CNTNAP5: variants seen among roughly 807,000 people sequenced by gnomAD.
CNTNAP5 encodes contactin-associated protein-like 5.
In CNTNAP5, 72 loss-of-function variants were observed where a neutral mutation model predicts 150.2. The observed-to-expected ratio is 0.48, with a 90% CI of 0.40 to 0.58. The LOEUF (loss-of-function observed/expected upper bound fraction) is 0.58, where lower values mean the gene tolerates loss of function less well. Ranked by LOEUF, CNTNAP5 falls within the 20% of genes least tolerant of loss-of-function variation. The pLI, the probability that CNTNAP5 is intolerant of heterozygous loss-of-function variation, is 0.00. For missense variants in CNTNAP5, 1,636 were observed against 1,626.2 expected, an observed-to-expected ratio of 1.01 and a Z score of -0.10; for synonymous variants, 672 against 619.8, an observed-to-expected ratio of 1.08 and a Z score of -1.25.
intron 16 of CNTNAP5, among the ~76,000 whole-genome samples, chr2:124,767,516 G>C (rs991031052): frequency 6.6e-6 from 1 of 152,226 alleles, no homozygotes; most frequent in Middle Eastern, 3.4e-3. Flanking sequence ...GAGTCAGTCT[G>C]GCATAGTGGA....
intron 1 of CNTNAP5, among the ~76,000 whole-genome samples, chr2:124,094,552 A>G (rs866403586): frequency 1.7e-4 from 26 of 152,250 alleles, no homozygotes; most frequent in Admixed American, 1.3e-3. Flanking sequence ...TTTGTCTAAT[A>G]CATTTAAGCA....
At chr2:124,264,841 G>GCGTGTCTAC (rs1389353777) in intron 3 of CNTNAP5, among the ~76,000 whole-genome samples, 8 of 152,214 alleles carry the variant, frequency 5.3e-5, no homozygotes. Context: ...CTGCTACTAT[G>GCGTGTCTAC]CGTGTCTACT....
intron 13 of CNTNAP5, among the ~76,000 whole-genome samples, chr2:124,671,085 C>CCT (rs977456506): frequency 2.6e-5 from 4 of 152,126 alleles, no homozygotes; most frequent in South Asian, 4.1e-4. Context: ...CCTCATTCTT[C>CCT]CTGTGTAAAA....
intron 21 of CNTNAP5, among the ~76,000 whole-genome samples, chr2:124,901,381 C>A (rs559566936): frequency 4.0e-4 from 59 of 147,656 alleles, no homozygotes; most frequent in Admixed American, 1.3e-4. Context: ...TCAGTGTAAT[C>A]AAAAAGGTCC....
intron 3 of CNTNAP5, among the ~76,000 whole-genome samples, chr2:124,307,962 A>C (rs1422690406): frequency 6.6e-6 from 1 of 152,108 alleles, no homozygotes; most frequent in Non-Finnish European, 1.5e-5. Context: ...GGTCATTCAC[A>C]ACAACTTTAC....
chr2:124,511,345 G>T (rs140567539), intron 8 of CNTNAP5, among the ~76,000 whole-genome samples: 3 of 152,298 alleles, frequency 2.0e-5, no homozygotes, highest in African/African-American at 7.2e-5. Context: ...AAAATACAAG[G>T]CAAGGAGAAT....
intron 13 of CNTNAP5, among the ~76,000 whole-genome samples, chr2:124,672,827 G>T (rs112280838): frequency 0.021 from 3,243 of 151,942 alleles, 45 homozygotes; most frequent in Middle Eastern, 0.038. Flanking sequence ...AAGATTTAAA[G>T]AAATATAAAT....
intron 1 of CNTNAP5, among the ~76,000 whole-genome samples, chr2:124,091,867 C>G (rs1682821590): frequency 6.6e-6 from 1 of 152,116 alleles, no homozygotes; most frequent in Non-Finnish European, 1.5e-5. Flanking sequence ...TTCTGCTGAG[C>G]CAGCTGGCTG....
Position 124,763,685 on chromosome 2 carries a change from G to A in CNTNAP5, c.2248G>A (p.Gly750Ser). 4 of 1,612,256 alleles carry A rather than the reference G, an allele frequency of 2.5e-6. No homozygotes were observed. The highest frequency in any genetic ancestry group is 3.4e-6 in the Non-Finnish European group (4 of 1,179,044). The change falls in exon 15 of 24, where the codon GGC (glycine) becomes AGC (serine). Residue 750 changes from glycine to serine, a missense_variant. Gly to Ser is a moderately conservative substitution (Grantham distance 56). Coordinates refer to ENST00000682447, the MANE Select transcript of CNTNAP5 (RefSeq NM_001367498.1). ...TATGTTTTGCAGGACAAATGATACT[G>A]GCTTTCTTTCCTTCAAAGACCACTT... ...ADKDEWTNDT[G>S]FLSFKDHLPV...
In CNTNAP5 at chr2:124,802,939, A is replaced by C. The variant is rs538895640; in HGVS notation, c.3217+4619A>C. Among the ~76,000 whole-genome samples, 44 of 152,110 alleles carry C rather than the reference A, an allele frequency of 2.9e-4. 2 individuals carry two copies. The South Asian group carries it at 7.3e-3, about 25-fold the overall frequency. On this transcript the variant is annotated intron_variant, in intron 19 of 23. Transcript: ENST00000682447. Reference sequence around the variant, plus strand: ...GGAGATCGAGATCATCCTGGCTAACACGGTGAAAACTCATCTCTACAAAAA... The same window carrying C: ...GGAGATCGAGATCATCCTGGCTAACCCGGTGAAAACTCATCTCTACAAAAA...
intron 3 of CNTNAP5, among the ~76,000 whole-genome samples, chr2:124,358,579 T>C (rs1397481933): frequency 6.6e-6 from 1 of 152,226 alleles, no homozygotes; most frequent in African/African-American, 2.4e-5. Context: ...TTTTTGTCTT[T>C]GGCTCTGTTT....
At chr2:124,783,040 A>G (rs1412593523) in intron 17 of CNTNAP5, among the ~76,000 whole-genome samples, 1 of 152,208 alleles carries the variant, frequency 6.6e-6, no homozygotes, top group African/African-American at 2.4e-5. Context: ...AGTACATGCA[A>G]TGTGATTCCA....
chr2:124,754,145 C>T (rs1680788500), intron 14 of CNTNAP5, among the ~76,000 whole-genome samples: 1 of 152,124 alleles, frequency 6.6e-6, no homozygotes, highest in African/African-American at 2.4e-5. Flanking sequence ...GATTCCCAGG[C>T]TCCATGCATT....
intron 13 of CNTNAP5, among the ~76,000 whole-genome samples, chr2:124,682,109 T>C (rs1432836174): frequency 6.6e-6 from 1 of 152,154 alleles, no homozygotes; most frequent in African/African-American, 2.4e-5. Flanking sequence ...GGTGAGTGAT[T>C]GGTGCTCTCT....
intron 3 of CNTNAP5, among the ~76,000 whole-genome samples, chr2:124,295,192 C>T (rs989449563): frequency 6.6e-6 from 1 of 151,058 alleles, no homozygotes; most frequent in African/African-American, 2.4e-5. Context: ...ACATGGTTCT[C>T]AGGTTGATTT....
chr2:124,538,635 ATAAG>A (rs1280022283), intron 10 of CNTNAP5, among the ~76,000 whole-genome samples: 16 of 152,012 alleles, frequency 1.1e-4, no homozygotes, highest in African/African-American at 3.6e-4. Context: ...AAATGAAAGA[ATAAG>A]AAAGAAAGGA....
At chr2:124,201,142 T>C (rs1358860591) in intron 1 of CNTNAP5, among the ~76,000 whole-genome samples, 1 of 152,190 alleles carries the variant, frequency 6.6e-6, no homozygotes, top group African/African-American at 2.4e-5. Flanking sequence ...CTCAAACATC[T>C]GGTACCAGGC....
chr2:124,783,488 C>G (rs28420965), intron 17 of CNTNAP5, among the ~76,000 whole-genome samples: 1 of 151,982 alleles, frequency 6.6e-6, no homozygotes, highest in Non-Finnish European at 1.5e-5. Context: ...CAGCTTTTTT[C>G]TTTAAAAAGT....
intron 19 of CNTNAP5, among the ~76,000 whole-genome samples, chr2:124,827,954 T>A (rs1488965097): frequency 6.6e-6 from 1 of 152,164 alleles, no homozygotes; most frequent in Non-Finnish European, 1.5e-5. Context: ...CTGTTCTGGG[T>A]AAACTGGTAG....
Sources: gnomAD v4.1 joint callset for allele counts (sites outside exome capture counted in the v4.1 genomes callset) on GRCh38, gnomAD v4.1.1 for gene constraint, MANE v1.5 for transcripts, NCBI Gene and HGNC (gene_info 2026-07-23, HGNC 2026-07-21) for gene names.